Variants in CNOT9 observed in about 807,000 individuals in gnomAD.
CNOT9 encodes RCD1 required for cell differentiation1 homolog.
A neutral mutation model predicts 37.4 loss-of-function variants in CNOT9; 8 were observed. The observed-to-expected ratio is 0.21, with a 90% CI of 0.13 to 0.39. CNOT9 has a LOEUF of 0.39. Ranked by LOEUF, CNOT9 falls within the 10% of genes least tolerant of loss-of-function variation. The pLI is 1.00. For synonymous variants in CNOT9, 120 were observed against 137.6 expected (o/e 0.87, Z 0.90); for missense variants, 154 against 365.3 (o/e 0.42, Z 4.71).
chr2:218,593,266 G>A (rs932829463), intron 7 of CNOT9, among the ~76,000 whole-genome samples: 3 of 152,172 alleles, frequency 2.0e-5, no homozygotes, highest in Admixed American at 6.5e-5. Flanking sequence ...GCTAAACCAC[G>A]TAATGGAGCA....
In CNOT9 at chr2:218,594,297, C is replaced by A; in HGVS notation, c.*21C>A. On this transcript the variant is annotated 3_prime_UTR_variant, in exon 8 of 8. Coordinates refer to ENST00000273064, the MANE Select transcript of CNOT9 (RefSeq NM_005444.3). ...AGTGATCCTTCCCTGTTCCCTCCCA[C>A]TACTCCCCCAAGTTGGGGAAAGGAG... 1 of 1,588,640 alleles carries A rather than the reference C, an allele frequency of 6.3e-7. No homozygotes were observed.
intron 1 of CNOT9, among the ~76,000 whole-genome samples, chr2:218,571,975 A>G (rs1694012722): frequency 6.6e-6 from 1 of 152,056 alleles, no homozygotes; most frequent in Admixed American, 6.6e-5. Flanking sequence ...TCTCTCCTCT[A>G]ATAAATAAGG....
Position 218,596,049 on chromosome 2 carries a change from G to A in CNOT9, c.*1773G>A, listed in dbSNP as rs996142886. The A allele has an allele frequency of 6.6e-6, 1 of 152,182 alleles. No homozygotes were observed. The highest frequency in any genetic ancestry group is 1.5e-5 in the Non-Finnish European group (1 of 68,048). The allele number at this position is 152,182 out of a possible 1,614,324, so 9.4% of individuals were successfully genotyped here. A position where few individuals can be genotyped will look rare whatever the true frequency, so the allele number is the denominator to read the frequency against. The stretch of plus-strand genomic sequence containing the variant: ...ACATCTTGACTCTATTCAGCCCGTA[G>A]TCTGTGATCTGGAGAGTCCAGTTAA... On this transcript the variant is annotated 3_prime_UTR_variant, in exon 8 of 8. Coordinates refer to ENST00000273064, the MANE Select transcript of CNOT9 (RefSeq NM_005444.3).
chr2:218,591,929 T>C (rs892637947), intron 5 of CNOT9, among the ~76,000 whole-genome samples: 5 of 152,084 alleles, frequency 3.3e-5, no homozygotes, highest in Admixed American at 6.6e-5. Context: ...CATTATTGAT[T>C]AACAGTTATA....
intron 7 of CNOT9, chr2:218,593,047 A>T (rs905699220): frequency 1.3e-5 from 4 of 302,390 alleles, no homozygotes. Context: ...AGATCTCTTA[A>T]AAAGGAACAC....
At chr2:218,589,562 C>T (rs939351045) in intron 5 of CNOT9, among the ~76,000 whole-genome samples, 5 of 152,176 alleles carry the variant, frequency 3.3e-5, no homozygotes, top group African/African-American at 1.2e-4. Context: ...TCTTGAACTC[C>T]TGGGCTCAAA....
chr2:218,568,846 AG>A lies in CNOT9; in HGVS notation c.-108del. The A allele has an allele frequency of 5.4e-6, 7 of 1,291,288 alleles. No homozygotes were observed. The highest frequency in any genetic ancestry group is 7.6e-6 in the Non-Finnish European group (7 of 921,432). 80.0% of individuals were successfully genotyped at this position (1,291,288 alleles called of 1,614,324 possible). On this transcript the variant is annotated 5_prime_UTR_variant, in exon 1 of 8. Transcript: ENST00000273064. ...CCGCGAAGTGGGCGGAGCGAGCCGG[AG>A]TCGGATGGCGGCTACGGCGGCTCAT...
At chr2:218,589,196 C>CT (rs1378549132) in intron 5 of CNOT9, 4 of 151,550 alleles carry the variant, frequency 2.6e-5, no homozygotes, top group Non-Finnish European at 5.9e-5. Flanking sequence ...ATTTTTTTGG[C>CT]TTTTTACTTT....
At chr2:218,589,253 G>T (rs1267561680) in intron 5 of CNOT9, 1 of 151,768 alleles carries the variant, frequency 6.6e-6, no homozygotes, top group East Asian at 1.9e-4. Flanking sequence ...TATTATCTTC[G>T]CACAGGGGCC....
Position 218,592,324 on chromosome 2 carries a change from G to T in CNOT9, c.561G>T (p.Gln187His). Residue 187 changes from glutamine to histidine, a missense_variant, in exon 6 of 8, where the codon CAG becomes CAT. This residue lies in a region of CNOT9 where 117 missense variants were observed against 325.4 expected (regional missense o/e 0.36). Transcript: ENST00000273064. The surrounding 1 kb of genome is among the most constrained non-coding windows in gnomAD (Gnocchi z 4.1). ...LSKTVATFIL[Q>H]KILLDDTGLA... is the part of the protein sequence containing the mutation. ...TTCAGGTTGCCACATTCATCCTCCA[G>T]AAGATCTTGTTAGATGACACTGGTT... is the stretch of plus-strand genomic sequence containing the variant. The T allele has an allele frequency of 6.2e-7, 1 of 1,613,872 alleles. No homozygotes were observed. The highest frequency in any genetic ancestry group is 8.5e-7 in the Non-Finnish European group (1 of 1,179,866).
At chr2:218,585,627 T>G (rs1404654838) in intron 4 of CNOT9, among the ~76,000 whole-genome samples, 2 of 20,098 alleles carry the variant, frequency 1.0e-4, no homozygotes, top group Non-Finnish European at 1.6e-4. Flanking sequence ...AGGAAATTTA[T>G]TTTTTATTTT....
At position 218,577,347 on chromosome 2, in the gene CNOT9, T is replaced by A. The variant is rs764054093; in HGVS notation, c.25-3214T>A. 3.8e-4 allele frequency among the ~76,000 whole-genome samples: 58 copies of A among 152,148 alleles called. 1 individual carries two copies. The highest frequency in any genetic ancestry group is 6.6e-4 in the Non-Finnish European group (45 of 68,028). On this transcript the variant is annotated intron_variant, in intron 1 of 7. Coordinates refer to ENST00000273064, the MANE Select transcript of CNOT9 (RefSeq NM_005444.3). ...AAAAGGAGGATCCCCACCCTAGATA[T>A]TTCCTGGCACCAAACTGCCCTCCTT...
chr2:218,577,460 T>C (rs1694211671), intron 1 of CNOT9, among the ~76,000 whole-genome samples: 1 of 152,214 alleles, frequency 6.6e-6, no homozygotes, highest in African/African-American at 2.4e-5. Flanking sequence ...TCTAGCTCTC[T>C]TAGAATCAAA....
At chr2:218,575,334 T>C (rs1694129406) in intron 1 of CNOT9, among the ~76,000 whole-genome samples, 1 of 152,100 alleles carries the variant, frequency 6.6e-6, no homozygotes, top group Non-Finnish European at 1.5e-5. Context: ...TTTTTGCAGT[T>C]GTGTATTTTT....
At chr2:218,574,259 C>A in intron 1 of CNOT9, 1 of 195,726 alleles carries the variant, frequency 5.1e-6, no homozygotes. Context: ...TGTGCCTGGC[C>A]AGGACTGTTG....
At chr2:218,589,073 G>C (rs1341262735) in intron 5 of CNOT9, 1 of 151,308 alleles carries the variant, frequency 6.6e-6, no homozygotes, top group Non-Finnish European at 1.5e-5. Context: ...CCATACTGCT[G>C]ACAATTTTGG....
intron 3 of CNOT9, 143 bp downstream of exon 3, chr2:218,583,229 GTGTGTCTCTCTCTCTCTCTCTCTCTC>G (rs71064463): frequency 0.2 from 17,569 of 87,954 alleles, 672 homozygotes; most frequent in East Asian, 0.4. Context: ...GTGTGTGTGT[GTGTGTCTCTCTCTCTCTCTCTCTCTC>G]TCTCTCTCTC....
chr2:218,582,832 C>T, intron 2 of CNOT9, 139 bp from the exon 3 acceptor site: 1 of 606,432 alleles, frequency 1.6e-6, no homozygotes, highest in Non-Finnish European at 2.9e-6. Context: ...ATTTCTGCTC[C>T]CTCTTTGATG....
At chr2:218,593,494 A>G (rs2106100932) in intron 7 of CNOT9, 3 of 1,290,596 alleles carry the variant, frequency 2.3e-6, no homozygotes, top group Non-Finnish European at 2.1e-6. Flanking sequence ...TGTTTAAAAT[A>G]GCTCTACACA....
Sources: allele counts gnomAD v4.1 joint callset (sites outside exome capture counted in the v4.1 genomes callset), GRCh38; gene constraint gnomAD v4.1.1; regional missense constraint gnomAD v4.1.1; non-coding constraint Gnocchi (gnomAD v3.1); transcripts MANE v1.5; gene names NCBI Gene and HGNC (gene_info 2026-07-23, HGNC 2026-07-21).